The following PCDH9 variants were observed in gnomAD, a reference collection of about 807,000 sequenced individuals.
PCDH9 encodes protocadherin 9, also known as protocadherin-9.
Under a neutral mutation model 70.6 loss-of-function variants are expected in PCDH9, and 24 were observed. The observed-to-expected ratio is 0.34, with a 90% confidence interval of 0.25 to 0.48. The LOEUF is 0.48. Among genes scored for constraint, PCDH9 ranks in the 20% least tolerant of loss-of-function variants. The pLI is 0.99. For missense variants in PCDH9, 1,281 were observed against 1,503.6 expected, an observed-to-expected ratio of 0.85 and a Z score of 2.45; for synonymous variants, 562 against 558.5, an observed-to-expected ratio of 1.01 and a Z score of -0.09.
intron 4 of PCDH9, among the ~76,000 whole-genome samples, chr13:66,510,903 A>G (rs1959440452): frequency 6.6e-6 from 1 of 152,166 alleles, no homozygotes; most frequent in Non-Finnish European, 1.5e-5. Flanking sequence ...GACCTTTTGG[A>G]TGACCCCTGA....
chr13:66,396,967 A>G (rs1197118969), intron 4 of PCDH9, among the ~76,000 whole-genome samples: 2 of 152,178 alleles, frequency 1.3e-5, no homozygotes, highest in Non-Finnish European at 2.9e-5. Context: ...AAATGTAGGT[A>G]CATATCTTTG....
At chr13:66,739,796 C>A (rs1352972934) in intron 3 of PCDH9, among the ~76,000 whole-genome samples, 2 of 137,062 alleles carry the variant, frequency 1.5e-5, no homozygotes, top group South Asian at 2.6e-4. Context: ...GCTAACTATC[C>A]TAAATATATA....
chr13:66,757,592 T>C (rs2079556394), intron 3 of PCDH9, among the ~76,000 whole-genome samples: 2 of 152,036 alleles, frequency 1.3e-5, no homozygotes, highest in Non-Finnish European at 2.9e-5. Context: ...CTTTTCAGAA[T>C]GTAGGATTAG....
At chr13:66,609,507 G>C (rs1247907350) in intron 4 of PCDH9, among the ~76,000 whole-genome samples, 1 of 152,002 alleles carries the variant, frequency 6.6e-6, no homozygotes, top group Non-Finnish European at 1.5e-5. Flanking sequence ...GAAGATAAAT[G>C]TAACAGAAAA....
intron 2 of PCDH9, among the ~76,000 whole-genome samples, chr13:67,143,084 G>A (rs2087437506): frequency 6.6e-6 from 1 of 152,000 alleles, no homozygotes; most frequent in Admixed American, 6.6e-5. Flanking sequence ...AATGTTATGA[G>A]AGCAAAATGA....
intron 3 of PCDH9, among the ~76,000 whole-genome samples, chr13:66,897,921 T>TA (rs1298737470): frequency 6.6e-6 from 1 of 152,140 alleles, no homozygotes; most frequent in African/African-American, 2.4e-5. Context: ...CAATCTTACC[T>TA]AAAATGGCAT....
intron 4 of PCDH9, among the ~76,000 whole-genome samples, chr13:66,492,622 A>G (rs1420838520): frequency 6.6e-6 from 1 of 152,020 alleles, no homozygotes. Flanking sequence ...GTGAGCTGTC[A>G]GAAAAGATAG....
At chr13:66,798,678 C>T (rs546782863) in intron 3 of PCDH9, among the ~76,000 whole-genome samples, 7 of 152,282 alleles carry the variant, frequency 4.6e-5, no homozygotes, top group African/African-American at 1.7e-4. Context: ...TATCAAACAT[C>T]TTCATCTTAG....
intron 2 of PCDH9, among the ~76,000 whole-genome samples, chr13:67,061,629 A>G (rs2085541377): frequency 6.6e-6 from 1 of 152,126 alleles, no homozygotes; most frequent in Admixed American, 6.6e-5. Flanking sequence ...TTTATAATAA[A>G]GCTATTTGAA....
intron 4 of PCDH9, among the ~76,000 whole-genome samples, chr13:66,603,899 T>C (rs2138851938): frequency 6.6e-6 from 1 of 152,136 alleles, no homozygotes; most frequent in African/African-American, 2.4e-5. Flanking sequence ...TATGCCTGTT[T>C]AATGAAACTT....
At chr13:66,958,889 G>C (rs1392257317) in intron 2 of PCDH9, among the ~76,000 whole-genome samples, 1 of 152,114 alleles carries the variant, frequency 6.6e-6, no homozygotes, top group Non-Finnish European at 1.5e-5. Flanking sequence ...GTTTTTCTCA[G>C]AAATGAAACT....
intron 2 of PCDH9, among the ~76,000 whole-genome samples, chr13:67,188,476 C>T (rs2088819064): frequency 6.6e-6 from 1 of 151,960 alleles, no homozygotes; most frequent in Non-Finnish European, 1.5e-5. Context: ...TATAATTCCT[C>T]ATGTAATCTT....
At chr13:67,186,603 C>A (rs971436925) in intron 2 of PCDH9, among the ~76,000 whole-genome samples, 2 of 151,962 alleles carry the variant, frequency 1.3e-5, no homozygotes, top group Non-Finnish European at 2.9e-5. Flanking sequence ...AATGATCTAC[C>A]ACAAGAAGAA....
At chr13:66,312,398 C>A (rs1955577272) in intron 4 of PCDH9, among the ~76,000 whole-genome samples, 1 of 152,042 alleles carries the variant, frequency 6.6e-6, no homozygotes, top group Non-Finnish European at 1.5e-5. Context: ...TGCCTGTAAT[C>A]CCAGCACTTG....
intron 4 of PCDH9, among the ~76,000 whole-genome samples, chr13:66,431,510 T>A (rs773996457): frequency 1.3e-5 from 2 of 152,092 alleles, no homozygotes; most frequent in Non-Finnish European, 2.9e-5. Context: ...TTATCAATAA[T>A]GTATTATACA....
intron 2 of PCDH9, among the ~76,000 whole-genome samples, chr13:67,178,166 A>T (rs895154047): frequency 6.6e-6 from 1 of 152,036 alleles, no homozygotes; most frequent in African/African-American, 2.4e-5. Context: ...TACTGCTCCC[A>T]TCTCCTACCT....
At chr13:66,470,212 G>GTA (rs1226384146) in intron 4 of PCDH9, among the ~76,000 whole-genome samples, 1 of 151,924 alleles carries the variant, frequency 6.6e-6, no homozygotes, top group African/African-American at 2.4e-5. Context: ...ACATCTGTAG[G>GTA]TATATATATA....
intron 4 of PCDH9, among the ~76,000 whole-genome samples, chr13:66,417,031 A>AT (rs987846854): frequency 1.1e-4 from 16 of 151,920 alleles, no homozygotes; most frequent in Admixed American, 2.0e-4. Context: ...TGATAAATGA[A>AT]TTTTTTTTAT....
At chr13:66,867,786 T>G (rs1450239958) in intron 3 of PCDH9, among the ~76,000 whole-genome samples, 1 of 152,024 alleles carries the variant, frequency 6.6e-6, no homozygotes, top group East Asian at 1.9e-4. Flanking sequence ...AAGTATAGAA[T>G]CTGACCCTAC....
Sources: allele counts gnomAD v4.1 joint callset (sites outside exome capture counted in the v4.1 genomes callset), GRCh38; gene constraint gnomAD v4.1.1; transcripts MANE v1.5; gene names NCBI Gene and HGNC (gene_info 2026-07-23, HGNC 2026-07-21).